Variants in FREM3 observed in about 807,000 individuals in gnomAD.
The protein encoded by FREM3 is FRAS1-related extracellular matrix protein 3.
A neutral mutation model predicts 129.1 loss-of-function variants in FREM3; 105 were observed. The ratio of observed to expected loss-of-function variants is 0.81; its 90% CI spans 0.69 to 0.96. The LOEUF is 0.96. Among genes scored for constraint, FREM3 ranks in the 40% least tolerant of loss-of-function variants. The probability of loss-of-function intolerance (pLI) is 0.00; values close to 1 mark genes in which losing one functional copy is unlikely to be tolerated. For missense variants in FREM3, 2,593 were observed against 2,666.3 expected (o/e 0.97, Z 0.61); for synonymous variants, 1,014 against 1,044.9 (o/e 0.97, Z 0.57).
intron 5 of FREM3, among the ~76,000 whole-genome samples, chr4:143,617,335 G>A (rs1173295717): frequency 1.3e-5 from 2 of 152,114 alleles, no homozygotes; most frequent in Admixed American, 6.5e-5. Context: ...CTAGTATATA[G>A]AGACCAGGGA....
In FREM3 at chr4:143,650,077, G is replaced by A. The variant is rs113576353; in HGVS notation, c.5276-22317C>T. On this transcript the variant is annotated intron_variant, in intron 2 of 7. Coordinates refer to ENST00000329798, the MANE Select transcript of FREM3 (RefSeq NM_001168235.2). ...TGTTAACAAAATCATAAATGCTATC[G>A]CACAGTCAGCATTCCACCAGTTCAT... Among the ~76,000 whole-genome samples, 119 of 152,202 alleles carry A rather than the reference G, an allele frequency of 7.8e-4. 1 individual carries two copies. Among genetic ancestry groups the A allele is most frequent in the African/African-American group, 2.6e-3 (109 of 41,534 alleles).
chr4:143,583,786 C>T (rs923300936), intron 7 of FREM3, among the ~76,000 whole-genome samples: 2 of 152,106 alleles, frequency 1.3e-5, no homozygotes, highest in Non-Finnish European at 2.9e-5. Context: ...ACCAGACCTG[C>T]CTTACAAGAG....
chr4:143,588,209 G>A (rs1430028998), intron 6 of FREM3, among the ~76,000 whole-genome samples: 1 of 152,020 alleles, frequency 6.6e-6, no homozygotes, highest in Non-Finnish European at 1.5e-5. Flanking sequence ...ATGCAAAAAT[G>A]TTAAATTTAC....
chr4:143,619,589 A>G (rs950694848), intron 5 of FREM3, among the ~76,000 whole-genome samples: 7 of 152,226 alleles, frequency 4.6e-5, no homozygotes, highest in African/African-American at 1.4e-4. Flanking sequence ...TCTGGAAGTC[A>G]TGTTAAAGTA....
At chr4:143,607,392 C>T (rs1392088923) in intron 6 of FREM3, among the ~76,000 whole-genome samples, 1 of 152,158 alleles carries the variant, frequency 6.6e-6, no homozygotes, top group Admixed American at 6.6e-5. Flanking sequence ...TTGAGCTCCT[C>T]CAGTTAGAAG....
intron 2 of FREM3, among the ~76,000 whole-genome samples, chr4:143,661,203 T>C (rs1283570911): frequency 6.6e-6 from 1 of 152,216 alleles, no homozygotes; most frequent in African/African-American, 2.4e-5. Flanking sequence ...CCATTCAGTA[T>C]GATATTGGCT....
chr4:143,678,304 C>T (rs549762437), intron 2 of FREM3, among the ~76,000 whole-genome samples: 5 of 152,202 alleles, frequency 3.3e-5, no homozygotes, highest in Non-Finnish European at 7.4e-5. Flanking sequence ...AAAAACCAAA[C>T]ACCGCATGTT....
rs1560833954 is a variant in FREM3, at chr4:143,585,849, G to C, written c.6173C>G (p.Ala2058Gly). The change falls in exon 7 of 8, where the codon GCA (alanine) becomes GGA (glycine). Residue 2058 changes from alanine (A) to glycine (G), a missense_variant. Ala to Gly is a moderately conservative substitution (Grantham distance 60). Transcript: ENST00000329798. This position sits in a 1 kb window ranked among gnomAD's most constrained non-coding sequence, Gnocchi z 4.2. ...TCTTTAAGTGGCCCTCTCACCTTCT[G>C]CTGACTCCTGCTCTGACTTTCTGGA... is the stretch of plus-strand genomic sequence containing the variant. ...VRSRKSEQESAEAGTDYVGIS... is the reference protein window; with the variant it reads ...VRSRKSEQESGEAGTDYVGIS... 6.5e-7 allele frequency: 1 copy of C among 1,537,026 alleles called. No homozygotes were observed. Among genetic ancestry groups the C allele is most frequent in the African/African-American group, 1.4e-5 (1 of 73,016 alleles).
Position 143,697,868 on chromosome 4 carries a change from G to T in FREM3, c.2808C>A (p.Pro936=), listed in dbSNP as rs866467778. 6.5e-7 allele frequency: 1 copy of T among 1,537,784 alleles called. No homozygotes were observed. ...IPITIPISVH[P]NVANRSPRIS... ...TCCTAGGACTTCTGTTAGCCACATT[G>T]GGATGCACAGAAATTGGGATGGTGA... The change falls in exon 1 of 8, where the codon CCC becomes CCA. Residue 936 remains proline (P), a synonymous_variant. Transcript: ENST00000329798.
intron 7 of FREM3, among the ~76,000 whole-genome samples, chr4:143,578,860 G>T (rs1237059053): frequency 1.3e-5 from 2 of 152,138 alleles, no homozygotes; most frequent in East Asian, 1.9e-4. Flanking sequence ...TATAATGCAT[G>T]ATTTAGAACT....
chr4:143,615,557 A>T (rs1176989270), intron 5 of FREM3, among the ~76,000 whole-genome samples: 5 of 152,120 alleles, frequency 3.3e-5, no homozygotes, highest in African/African-American at 1.2e-4. Context: ...GTCTATCTAG[A>T]GGGGACTTTG....
chr4:143,596,544 A>T (rs1418688068), intron 6 of FREM3, among the ~76,000 whole-genome samples: 2 of 152,318 alleles, frequency 1.3e-5, no homozygotes, highest in Middle Eastern at 3.4e-3. Context: ...GGTAAGAGAA[A>T]GAAAGATGAT....
intron 6 of FREM3, among the ~76,000 whole-genome samples, chr4:143,591,041 A>G (rs1199263965): frequency 6.6e-6 from 1 of 152,170 alleles, no homozygotes; most frequent in Non-Finnish European, 1.5e-5. Context: ...TGTTTATAGT[A>G]TTCTCTGATG....
chr4:143,700,363 G>C lies in FREM3; in HGVS notation c.313C>G (p.Arg105Gly). Residue 105 changes from arginine (R) to glycine (G), a missense_variant, in exon 1 of 8, where the codon CGG (arginine) becomes GGG (glycine). Coordinates refer to ENST00000329798, the MANE Select transcript of FREM3 (RefSeq NM_001168235.2). ...CGCGGGGAGAGCGCGCCCTTGAGCC[G>C]CGGCAGGGCGTCCAGTACCGTGACT... ...CEVTVLDALP[R>G]LKGALSPRRF... 1 of 1,535,046 alleles carries C rather than the reference G, an allele frequency of 6.5e-7. No homozygotes were observed. The highest frequency in any genetic ancestry group is 8.7e-7 in the Non-Finnish European group (1 of 1,146,138).
intron 2 of FREM3, among the ~76,000 whole-genome samples, chr4:143,661,465 TTGATGTGCTGCTGGA>T (rs1578856383): frequency 1.3e-5 from 2 of 151,994 alleles, no homozygotes; most frequent in Non-Finnish European, 2.9e-5. Flanking sequence ...GATAAGCTTT[TTGATGTGCTGCTGGA>T]TTCTGTTTGC....
In FREM3 at chr4:143,653,288, A is replaced by C. The variant is rs148812216; in HGVS notation, c.5276-25528T>G. Among the ~76,000 whole-genome samples the C allele has an allele frequency of 7.1e-3, 1,083 of 152,302 alleles. 8 individuals carry two copies. The highest frequency in any genetic ancestry group is 0.016 in the South Asian group (76 of 4,814). ...GACTGCATTCTCATCTGGGACCTCA[A>C]ATAGGGAAGAATCTACTTCCAAGCT... is the stretch of plus-strand genomic sequence containing the variant. On this transcript the variant is annotated intron_variant, in intron 2 of 7. Transcript: ENST00000329798.
chr4:143,608,223 A>G (rs765894899), intron 6 of FREM3, among the ~76,000 whole-genome samples: 11 of 152,180 alleles, frequency 7.2e-5, no homozygotes, highest in Non-Finnish European at 1.5e-4. Context: ...GGGGTCCATT[A>G]TTCAGCCTAC....
chr4:143,690,072 G>A (rs1037905156), intron 2 of FREM3, among the ~76,000 whole-genome samples: 19 of 150,134 alleles, frequency 1.3e-4, no homozygotes, highest in Admixed American at 6.6e-5. Flanking sequence ...TTCTATTCCA[G>A]TAAAGACCAT....
In FREM3 at chr4:143,619,778, C is replaced by T. The variant is rs576897326; in HGVS notation, c.5779+1259G>A. Among the ~76,000 whole-genome samples the T allele has an allele frequency of 2.6e-5, 4 of 152,054 alleles. No individual in the cohort carries two copies. The South Asian group carries it at 8.3e-4, about 32-fold the overall frequency. On this transcript the variant is annotated intron_variant, in intron 5 of 7. Transcript: ENST00000329798. ...GTGTTTTGCTGGGGACCTCAAGGCCCTACTATTAAAGTTTCCATCTGCCAA... is the reference window on the plus strand; with the variant it reads ...GTGTTTTGCTGGGGACCTCAAGGCCTTACTATTAAAGTTTCCATCTGCCAA...
Sources: gnomAD v4.1 joint callset for allele counts (sites outside exome capture counted in the v4.1 genomes callset) on GRCh38, gnomAD v4.1.1 for gene constraint, Gnocchi (gnomAD v3.1) non-coding constraint, MANE v1.5 for transcripts, NCBI Gene and HGNC (gene_info 2026-07-23, HGNC 2026-07-21) for gene names.